PEBP4: variants seen among roughly 807,000 people sequenced by gnomAD.
The protein encoded by PEBP4 is phosphatidylethanolamine-binding protein 4.
Under a neutral mutation model 23.9 loss-of-function variants are expected in PEBP4, and 22 were observed. The ratio of observed to expected loss-of-function variants is 0.92; its 90% CI spans 0.66 to 1.31. The LOEUF (loss-of-function observed/expected upper bound fraction) is 1.31, where lower values mean the gene tolerates loss of function less well. Among genes scored for constraint, PEBP4 ranks in the 40% most tolerant of loss-of-function variants. The pLI, the probability that PEBP4 is intolerant of heterozygous loss-of-function variation, is 0.00. For missense variants in PEBP4, 324 were observed against 281.7 expected, an observed-to-expected ratio of 1.15 and a Z score of -1.07; for synonymous variants, 112 against 99.3, an observed-to-expected ratio of 1.13 and a Z score of -0.76.
chr8:22,862,341 T>C (rs1807794108), intron 3 of PEBP4, among the ~76,000 whole-genome samples: 1 of 152,194 alleles, frequency 6.6e-6, no homozygotes, highest in South Asian at 2.1e-4. Flanking sequence ...GTATCTCGTC[T>C]GCATAAAAAA....
chr8:22,773,809 C>T (rs527352074), intron 4 of PEBP4, among the ~76,000 whole-genome samples: 3 of 152,252 alleles, frequency 2.0e-5, no homozygotes, highest in South Asian at 2.1e-4. Flanking sequence ...CTGTTCCAAC[C>T]GTGGGGGTCC....
intron 3 of PEBP4, among the ~76,000 whole-genome samples, chr8:22,842,329 G>A (rs540290544): frequency 1.3e-5 from 2 of 152,308 alleles, no homozygotes; most frequent in Admixed American, 1.3e-4. Context: ...GCAGAGAGGA[G>A]AACTGTGGTT....
chr8:22,842,196 G>C (rs186853916), intron 3 of PEBP4, among the ~76,000 whole-genome samples: 6 of 152,350 alleles, frequency 3.9e-5, no homozygotes, highest in Non-Finnish European at 8.8e-5. Flanking sequence ...ATCCCCAAGA[G>C]GTGAGACAGG....
intron 2 of PEBP4, among the ~76,000 whole-genome samples, chr8:22,921,537 A>G (rs1809200642): frequency 6.6e-6 from 1 of 151,790 alleles, no homozygotes; most frequent in Non-Finnish European, 1.5e-5. Flanking sequence ...CCACCCTTCC[A>G]GTGGCTCCTG....
intron 3 of PEBP4, among the ~76,000 whole-genome samples, chr8:22,913,337 G>C (rs1400630724): frequency 6.6e-6 from 1 of 152,106 alleles, no homozygotes; most frequent in South Asian, 2.1e-4. Flanking sequence ...GGTGACTCCT[G>C]CTCCCCATTC....
At chr8:22,827,397 TC>T (rs1266759697) in intron 3 of PEBP4, among the ~76,000 whole-genome samples, 2 of 152,022 alleles carry the variant, frequency 1.3e-5, no homozygotes, top group Non-Finnish European at 2.9e-5. Context: ...CATTCCTTAT[TC>T]CCCCCGCCAG....
At chr8:22,728,451 G>A (rs541037453) in intron 4 of PEBP4, among the ~76,000 whole-genome samples, 11 of 152,116 alleles carry the variant, frequency 7.2e-5, no homozygotes, top group African/African-American at 2.7e-4. Context: ...TCCCCCACGA[G>A]CCCCTTGTAC....
chr8:22,899,566 C>T (rs931415917), intron 3 of PEBP4, among the ~76,000 whole-genome samples: 2 of 152,136 alleles, frequency 1.3e-5, no homozygotes, highest in African/African-American at 4.8e-5. Flanking sequence ...GCTTCTGGAA[C>T]CTGCGACTCA....
chr8:22,755,237 C>T (rs769607870), intron 4 of PEBP4, among the ~76,000 whole-genome samples: 24 of 151,462 alleles, frequency 1.6e-4, no homozygotes, highest in African/African-American at 4.6e-4. Flanking sequence ...TATTATCTAG[C>T]GGAGTGTAAC....
intron 4 of PEBP4, among the ~76,000 whole-genome samples, chr8:22,728,266 C>G (rs1337357721): frequency 6.6e-6 from 1 of 152,090 alleles, no homozygotes; most frequent in Non-Finnish European, 1.5e-5. Flanking sequence ...AACTAAAGTC[C>G]TACTCGCTCA....
At chr8:22,754,599 G>T (rs934529964) in intron 4 of PEBP4, among the ~76,000 whole-genome samples, 1 of 152,184 alleles carries the variant, frequency 6.6e-6, no homozygotes, top group Non-Finnish European at 1.5e-5. Flanking sequence ...GAGAGGAAAG[G>T]CTCATTCTAG....
chr8:22,730,199 G>A (rs574613567), intron 4 of PEBP4, among the ~76,000 whole-genome samples: 2 of 152,224 alleles, frequency 1.3e-5, no homozygotes, highest in South Asian at 2.1e-4. Context: ...CTGGAGCTGC[G>A]GTGAAAATGG....
intron 4 of PEBP4, among the ~76,000 whole-genome samples, chr8:22,809,317 G>A (rs1035005865): frequency 6.6e-6 from 1 of 152,204 alleles, no homozygotes; most frequent in Non-Finnish European, 1.5e-5. Flanking sequence ...CGTCCACACT[G>A]CACTTGGAGC....
intron 4 of PEBP4, among the ~76,000 whole-genome samples, chr8:22,728,545 T>TTCCTTCCTTCCTTCCTTCC (rs1563196252): frequency 2.2e-5 from 2 of 89,864 alleles, no homozygotes; most frequent in Admixed American, 2.6e-4. Flanking sequence ...TCTTCCTTCC[T>TTCCTTCCTTCCTTCCTTCC]TTCTTTCTTT....
At chr8:22,882,534 G>A (rs965616707) in intron 3 of PEBP4, among the ~76,000 whole-genome samples, 7 of 152,198 alleles carry the variant, frequency 4.6e-5, no homozygotes, top group Non-Finnish European at 1.0e-4. Flanking sequence ...ACAGAGGGAG[G>A]CCTCAAACTG....
intron 3 of PEBP4, among the ~76,000 whole-genome samples, chr8:22,841,751 G>C (rs1012861758): frequency 1.3e-5 from 2 of 152,236 alleles, no homozygotes; most frequent in South Asian, 2.1e-4. Context: ...AAAAGGATAA[G>C]AATGGCTACA....
intron 4 of PEBP4, among the ~76,000 whole-genome samples, chr8:22,769,229 C>T (rs1026159733): frequency 4.6e-5 from 7 of 152,192 alleles, no homozygotes; most frequent in African/African-American, 1.7e-4. Flanking sequence ...TGAGGTTGCT[C>T]CTGGGTTCCT....
At chr8:22,930,344 A>G (rs1000220446), upstream of PEBP4, among the ~76,000 whole-genome samples, 12 of 152,152 alleles carry the variant, frequency 7.9e-5, no homozygotes, top group East Asian at 2.3e-3. Context: ...GTTATAAACA[A>G]TTAGAGCACT....
intron 6 of PEBP4, among the ~76,000 whole-genome samples, chr8:22,724,473 G>A (rs1036950234): frequency 3.3e-5 from 5 of 152,244 alleles, no homozygotes; most frequent in East Asian, 1.9e-4. Flanking sequence ...GCCCAGATCA[G>A]ACTCAATTAC....
Sources: allele counts gnomAD v4.1 joint callset (sites outside exome capture counted in the v4.1 genomes callset), GRCh38; gene constraint gnomAD v4.1.1; transcripts MANE v1.5; gene names NCBI Gene and HGNC (gene_info 2026-07-23, HGNC 2026-07-21).